COL20A1: variants seen among roughly 807,000 people sequenced by gnomAD.
COL20A1 encodes the protein collagen alpha-1(XX) chain.
A neutral mutation model predicts 152.9 loss-of-function variants in COL20A1; 164 were observed. The observed-to-expected ratio is 1.07, with a 90% CI of 0.94 to 1.22. The LOEUF is 1.22. Among genes scored for constraint, COL20A1 ranks in the 50% most tolerant of loss-of-function variants. COL20A1 has a pLI of 0.00. For missense variants in COL20A1, 1,873 were observed against 1,744.8 expected (o/e 1.07, Z -1.31); for synonymous variants, 864 against 756.0 (o/e 1.14, Z -2.34).
At chr20:63,318,295 C>T (rs768231943) in intron 21 of COL20A1, among the ~76,000 whole-genome samples, 3 of 152,156 alleles carry the variant, frequency 2.0e-5, no homozygotes, top group Non-Finnish European at 4.4e-5. Flanking sequence ...AGGCCCCAGA[C>T]CAGTCTGCTC....
intron 3 of COL20A1, among the ~76,000 whole-genome samples, chr20:63,304,339 G>C (rs111174525): frequency 3.0e-3 from 58 of 19,364 alleles, no homozygotes; most frequent in Admixed American, 7.6e-3. Context: ...TCTTCTCCCT[G>C]CAGGTGCGCA....
rs200873960 is a variant in COL20A1 at position 63,312,825 on chromosome 20, C to T, written c.1967C>T (p.Thr656Met). 6.8e-5 allele frequency: 106 copies of T among 1,562,214 alleles called. No homozygotes were observed. In the African/African-American group the frequency reaches 9.9e-4, roughly 15 times the overall value. Residue 656 changes from threonine (T) to methionine (M), a missense_variant, in exon 16 of 36, where the codon ACG becomes ATG. Physicochemically the swap from Thr to Met is moderately conservative, Grantham distance 81. Coordinates refer to ENST00000358894, the MANE Select transcript of COL20A1 (RefSeq NM_020882.4). ...CCCAGCCCAAGCCAGCTGTCCATGA[C>T]GGAGCTGCCAGGGGATGCAGTCCAG... is the stretch of plus-strand genomic sequence containing the variant. ...KAPSPSQLSMTELPGDAVQLA... is the reference protein window; with the variant it reads ...KAPSPSQLSMMELPGDAVQLA...
In COL20A1 at chr20:63,320,368, G is replaced by A. The variant is rs756114068; in HGVS notation, c.3153G>A (p.Ser1051=). 17 of 1,610,704 alleles carry A rather than the reference G, an allele frequency of 1.1e-5. No individual in the cohort carries two copies. The South Asian group carries it at 1.1e-4, about 10-fold the overall frequency. Residue 1051 remains serine, a splice_region_variant and synonymous_variant, in exon 25 of 36, where the codon TCG becomes TCA. Transcript: ENST00000358894. ...DEDRCCELPA[S]RDGETCPAFV... is the part of the protein sequence containing the mutation. ...ACCGGTGCTGTGAGCTCCCTGCCTC[G>A]GTGTGCCCCGTCCCTTGCCCCTGTT...
chr20:63,325,537 T>C, intron 28 of COL20A1, 43 bp downstream of exon 28: 1 of 1,412,958 alleles, frequency 7.1e-7, no homozygotes, highest in Non-Finnish European at 9.9e-7. Context: ...TTGGTGGGGG[T>C]GGGGGAAGGA....
At chr20:63,315,268 G>A in intron 19 of COL20A1, 136 bp from the exon 20 acceptor site, 2 of 868,770 alleles carry the variant, frequency 2.3e-6, no homozygotes, top group Non-Finnish European at 3.7e-6. Context: ...TGGCAGATGG[G>A]ACATAGCACA....
At chr20:63,309,298 G>A (rs746874173) in intron 8 of COL20A1, 35 bp from the exon 9 acceptor site, 38 of 1,418,114 alleles carry the variant, frequency 2.7e-5, no homozygotes, top group South Asian at 1.0e-4. Flanking sequence ...GGTGACCCCA[G>A]TGCAGGCCAA....
rs1440166420 is a variant in COL20A1 at position 63,308,651 on chromosome 20, T to A, written c.885T>A (p.Asp295Glu). The A allele has an allele frequency of 6.2e-7, 1 of 1,608,028 alleles. No homozygotes were observed. The highest frequency in any genetic ancestry group is 1.1e-5 in the South Asian group (1 of 90,060). ...ILVTDGKSQD[D>E]VHTAARVLKD... ...TGACGGACGGCAAGTCCCAGGACGA[T>A]GTGCACACTGCTGCCCGTGTCCTCA... Residue 295 changes from aspartate (D) to glutamate (E), a missense_variant, in exon 8 of 36, where the codon GAT becomes GAA. By Grantham distance (45) the Asp-to-Glu change is conservative. Coordinates refer to ENST00000358894, the MANE Select transcript of COL20A1 (RefSeq NM_020882.4).
Position 63,312,882 on chromosome 20 carries a change from T to C in COL20A1, c.2024T>C (p.Val675Ala). 6.4e-7 allele frequency: 1 copy of C among 1,557,534 alleles called. No individual in the cohort carries two copies. The highest frequency in any genetic ancestry group is 8.7e-7 in the Non-Finnish European group (1 of 1,150,914). ...LAWVAAAPSGVLVYQITWTPL... is the reference protein window; with the variant it reads ...LAWVAAAPSGALVYQITWTPL... ...TGGGTGGCCGCAGCCCCGTCTGGCG[T>C]GCTTGTCTACCAGATCACGTGGACG... Residue 675 changes from valine (V) to alanine (A), a missense_variant, in exon 16 of 36, where the codon GTG becomes GCG. By Grantham distance (64) the Val-to-Ala change is moderately conservative. Coordinates refer to ENST00000358894, the MANE Select transcript of COL20A1 (RefSeq NM_020882.4).
rs773131544 is a variant in COL20A1, at chr20:63,313,200, C to T, written c.2160C>T (p.Tyr720=). ...HTEYDVTILA[Y]YRDGARSDPV... ...AGTACGACGTCACCATCTTGGCCTA[C>T]TACAGGGACGGGGCCCGCAGTGACC... The change falls in exon 17 of 36, where the codon TAC becomes TAT. Residue 720 remains tyrosine, a synonymous_variant. Coordinates refer to ENST00000358894, the MANE Select transcript of COL20A1 (RefSeq NM_020882.4). The surrounding 1 kb of genome is among the most constrained non-coding windows in gnomAD (Gnocchi z 5.9). 1 of 1,612,574 alleles carries T rather than the reference C, an allele frequency of 6.2e-7. No homozygotes were observed. The highest frequency in any genetic ancestry group is 1.1e-5 in the South Asian group (1 of 91,076).
chr20:63,315,258 TG>T, intron 19 of COL20A1, 145 bp from the exon 20 acceptor site: 1 of 776,654 alleles, frequency 1.3e-6, no homozygotes. Context: ...GCCTTGTGGG[TG>T]GCAGATGGGA....
At chr20:63,296,057 G>A (rs1468891483) in intron 2 of COL20A1, among the ~76,000 whole-genome samples, 8 of 152,262 alleles carry the variant, frequency 5.3e-5, no homozygotes, top group Admixed American at 3.9e-4. Context: ...CGCTGCCATT[G>A]CAGAAGGGCG....
At chr20:63,324,954 A>C (rs2068221332) in intron 27 of COL20A1, 1 of 253,490 alleles carries the variant, frequency 3.9e-6, no homozygotes, top group African/African-American at 2.4e-5. Flanking sequence ...TGATTTCTGC[A>C]GCGCCCCCCA....
chr20:63,319,411 TG>T lies in COL20A1; in HGVS notation c.2807-71del. 8.1e-7 allele frequency: 1 copy of T among 1,229,608 alleles called. No individual in the cohort carries two copies. The highest frequency in any genetic ancestry group is 1.1e-6 in the Non-Finnish European group (1 of 870,456). 76.2% of individuals were successfully genotyped at this position (1,229,608 alleles called of 1,614,324 possible). On this transcript the variant is annotated intron_variant, in intron 22 of 35. Transcript: ENST00000358894. The surrounding 1 kb of genome is among the most constrained non-coding windows in gnomAD (Gnocchi z 4.4). ...CCTCAGGGCTGCTCCTGTCCTGTCG[TG>T]GGGGCCGCCCTGCTCAAGGTATAGG...
chr20:63,305,941 C>A lies in COL20A1; in HGVS notation c.398C>A (p.Ala133Asp). ...AGCCAGAGGCCCCTCGGCTCTGGAGCCCCGGAGCCCACCCCCTCCCACACG... is the reference window on the plus strand; with the variant it reads ...AGCCAGAGGCCCCTCGGCTCTGGAGACCCGGAGCCCACCCCCTCCCACACG... ...RSSQRPLGSG[A>D]PEPTPSHTGS... The change falls in exon 5 of 36, where the codon GCC becomes GAC. Residue 133 changes from alanine (A) to aspartate (D), a missense_variant. Physicochemically the swap from Ala to Asp is moderately radical, Grantham distance 126. Transcript: ENST00000358894. This position sits in a 1 kb window ranked among gnomAD's most constrained non-coding sequence, Gnocchi z 4.9. The A allele has an allele frequency of 1.2e-6, 2 of 1,612,596 alleles. No individual in the cohort carries two copies. Among genetic ancestry groups the A allele is most frequent in the South Asian group, 1.1e-5 (1 of 91,068 alleles).
Position 63,316,614 on chromosome 20 carries a change from G to A in COL20A1, c.2586G>A (p.Val862=). 1 of 1,583,570 alleles carries A rather than the reference G, an allele frequency of 6.3e-7. No homozygotes were observed. The highest frequency in any genetic ancestry group is 8.6e-7 in the Non-Finnish European group (1 of 1,165,182). The change falls in exon 21 of 36, where the codon GTG becomes GTA. Residue 862 remains valine, a synonymous_variant. Transcript: ENST00000358894. ...VEKAYASIRG[V]AMEPSAFGGT... ...AGGCTTATGCGTCCATCCGGGGCGTGGCCATGGAGCCCTCTGCCTTCGGTG... is the reference window on the plus strand; with the variant it reads ...AGGCTTATGCGTCCATCCGGGGCGTAGCCATGGAGCCCTCTGCCTTCGGTG...
At chr20:63,317,279 T>C (rs2068096553) in intron 21 of COL20A1, among the ~76,000 whole-genome samples, 1 of 151,944 alleles carries the variant, frequency 6.6e-6, no homozygotes, top group Non-Finnish European at 1.5e-5. Context: ...GCCTGGACAA[T>C]GCAGCAAGAC....
intron 27 of COL20A1, among the ~76,000 whole-genome samples, chr20:63,323,986 C>A (rs1185178582): frequency 6.6e-6 from 1 of 152,252 alleles, no homozygotes; most frequent in East Asian, 1.9e-4. Context: ...TCCAAAAACA[C>A]AGCCATCCTG....
At position 63,313,064 on chromosome 20, in the gene COL20A1, C is replaced by CA. The variant is rs2068034293; in HGVS notation, c.2077-51dup. 6.4e-7 allele frequency: 1 copy of CA among 1,573,974 alleles called. No individual in the cohort carries two copies. The highest frequency in any genetic ancestry group is 1.2e-5 in the South Asian group (1 of 86,222). ...AGGGATGCCTCACTGCCCGGCCCCC[C>CA]AACCTGAGGACCCCACTGCACCCGG... On this transcript the variant is annotated intron_variant, in intron 16 of 35. Transcript: ENST00000358894. This position sits in a 1 kb window ranked among gnomAD's most constrained non-coding sequence, Gnocchi z 5.9.
rs547201272 is a variant in COL20A1 at position 63,316,316 on chromosome 20, G to C, written c.2525-237G>C. Among the ~76,000 whole-genome samples, 5 of 152,182 alleles carry C rather than the reference G, an allele frequency of 3.3e-5. 1 individual carries two copies. The South Asian group carries it at 8.3e-4, about 25-fold the overall frequency. On this transcript the variant is annotated intron_variant, in intron 20 of 35. Transcript: ENST00000358894. ...GTGGCCTGGGGAGCGGCCCCTCCCA[G>C]TGTGTTGGATTCCCCTGGGGAGGGG... is the stretch of plus-strand genomic sequence containing the variant.
Sources: gnomAD v4.1 joint callset for allele counts (sites outside exome capture counted in the v4.1 genomes callset) on GRCh38, gnomAD v4.1.1 for gene constraint, Gnocchi (gnomAD v3.1) non-coding constraint, MANE v1.5 for transcripts, NCBI Gene and HGNC (gene_info 2026-07-23, HGNC 2026-07-21) for gene names.